Variants in DENND1A observed in about 807,000 individuals in gnomAD.
DENND1A encodes the protein DENN domain-containing protein 1A.
In DENND1A, 51 loss-of-function variants were observed where a neutral mutation model predicts 113.7. The ratio of observed to expected loss-of-function variants is 0.45; its 90% CI spans 0.36 to 0.57. The LOEUF (loss-of-function observed/expected upper bound fraction) is 0.57. Among genes scored for constraint, DENND1A ranks in the 20% least tolerant of loss-of-function variants. The probability of loss-of-function intolerance (pLI) is 0.00; values close to 1 mark genes in which losing one functional copy is unlikely to be tolerated. For missense variants in DENND1A, 1,258 were observed against 1,395.9 expected (o/e 0.90, Z 1.57); for synonymous variants, 565 against 570.8 (o/e 0.99, Z 0.14).
chr9:123,480,885 C>T (rs1219707639), intron 13 of DENND1A, among the ~76,000 whole-genome samples: 1 of 152,168 alleles, frequency 6.6e-6, no homozygotes, highest in African/African-American at 2.4e-5. Context: ...AAAAGGATAC[C>T]AAGATAGTTT....
intron 5 of DENND1A, among the ~76,000 whole-genome samples, chr9:123,753,221 A>G (rs1451895073): frequency 1.3e-5 from 2 of 152,202 alleles, no homozygotes; most frequent in African/African-American, 4.8e-5. Flanking sequence ...AATGTCAGCT[A>G]TGTGCCAGAA....
chr9:123,493,190 T>A (rs1436621878), intron 13 of DENND1A: 1 of 152,246 alleles, frequency 6.6e-6, no homozygotes, highest in Non-Finnish European at 1.5e-5. Context: ...GATGGGGCCA[T>A]GACTAAGACA....
intron 5 of DENND1A, among the ~76,000 whole-genome samples, chr9:123,737,892 T>TA (rs1232529074): frequency 6.6e-6 from 1 of 152,234 alleles, no homozygotes; most frequent in African/African-American, 2.4e-5. Context: ...TTTTGCCACT[T>TA]ACATTCTAAG....
At chr9:123,816,602 G>C (rs541418661) in intron 2 of DENND1A, among the ~76,000 whole-genome samples, 1 of 152,146 alleles carries the variant, frequency 6.6e-6, no homozygotes, top group African/African-American at 2.4e-5. Context: ...AAATCTGTGA[G>C]ATCACTAACA....
chr9:123,455,565 C>T (rs896352878), intron 15 of DENND1A, among the ~76,000 whole-genome samples: 9 of 152,138 alleles, frequency 5.9e-5, no homozygotes, highest in African/African-American at 1.7e-4. Flanking sequence ...GAACAGCCCT[C>T]GGGAATAGGT....
At chr9:123,773,657 T>G (rs1564242848) in intron 3 of DENND1A, among the ~76,000 whole-genome samples, 1 of 152,186 alleles carries the variant, frequency 6.6e-6, no homozygotes, top group Non-Finnish European at 1.5e-5. Flanking sequence ...AGATGTCAAA[T>G]ACTTTGTTTT....
chr9:123,635,457 A>G (rs186716526), intron 9 of DENND1A, among the ~76,000 whole-genome samples: 1 of 152,248 alleles, frequency 6.6e-6, no homozygotes, highest in South Asian at 2.1e-4. Context: ...TCCACAATGC[A>G]TAATAAACTC....
chr9:123,785,194 T>A (rs375361955), intron 3 of DENND1A, among the ~76,000 whole-genome samples: 4 of 151,824 alleles, frequency 2.6e-5, no homozygotes, highest in South Asian at 2.1e-4. Context: ...ATTTTTTTTT[T>A]AAATTAGGCA....
chr9:123,676,821 T>C (rs12377595), intron 5 of DENND1A, 32 bp from the exon 6 acceptor site: 1 of 1,603,576 alleles, frequency 6.2e-7, no homozygotes, highest in Non-Finnish European at 8.5e-7. Context: ...CATGAAATAT[T>C]AGTATGCAGG....
chr9:123,783,567 C>A (rs1307162925), intron 3 of DENND1A, among the ~76,000 whole-genome samples: 1 of 152,088 alleles, frequency 6.6e-6, no homozygotes, highest in African/African-American at 2.4e-5. Flanking sequence ...ATCATGACAC[C>A]CTCATAGCTA....
At chr9:123,467,981 C>A (rs745398385) in intron 13 of DENND1A, among the ~76,000 whole-genome samples, 15 of 152,150 alleles carry the variant, frequency 9.9e-5, no homozygotes, top group Non-Finnish European at 2.1e-4. Context: ...CTTGGGGAAA[C>A]CTTACTTGAA....
chr9:123,576,877 T>G (rs141367461), intron 12 of DENND1A, among the ~76,000 whole-genome samples: 2 of 152,342 alleles, frequency 1.3e-5, no homozygotes, highest in East Asian at 3.9e-4. Context: ...CTGCTAGAAT[T>G]ACTTCTCATA....
intron 5 of DENND1A, among the ~76,000 whole-genome samples, chr9:123,691,653 A>T (rs2065199648): frequency 6.6e-6 from 1 of 151,612 alleles, no homozygotes; most frequent in South Asian, 2.1e-4. Context: ...TACATGCTGG[A>T]CCATGGAGTT....
rs369679724 is a variant in DENND1A, at chr9:123,621,701, C to T, written c.719+8675G>A. ...GGTGAGGGCCAGACATTTCTGCTTC[C>T]GCCGCACCACACTTTCATTTGAGTT... On this transcript the variant is annotated intron_variant, in intron 10 of 23. Coordinates refer to ENST00000394215, the MANE Select transcript of DENND1A (RefSeq NM_001352964.2). 1.1e-4 allele frequency among the ~76,000 whole-genome samples: 17 copies of T among 152,258 alleles called. No homozygotes were observed. The South Asian group carries it at 2.1e-3, about 19-fold the overall frequency.
At chr9:123,817,441 G>GT (rs1465883375) in intron 2 of DENND1A, among the ~76,000 whole-genome samples, 1 of 152,176 alleles carries the variant, frequency 6.6e-6, no homozygotes, top group Non-Finnish European at 1.5e-5. Context: ...AGGTATAACT[G>GT]TAAGATAAGG....
rs766190952 is a variant in DENND1A at position 123,777,884 on chromosome 9, AG to A, written c.133-8322del. ...AATTGATTAGAACGTCTCACTAAAC[AG>A]TCATCTGTTTAGTGTTACAGAACTG... On this transcript the variant is annotated intron_variant, in intron 3 of 23. Transcript: ENST00000394215. Among the ~76,000 whole-genome samples, 8 of 152,314 alleles carry A rather than the reference AG, an allele frequency of 5.3e-5. No homozygotes were observed. The East Asian group carries it at 1.5e-3, about 29-fold the overall frequency.
intron 16 of DENND1A, among the ~76,000 whole-genome samples, chr9:123,453,315 C>T (rs1254545265): frequency 6.6e-6 from 1 of 152,158 alleles, no homozygotes; most frequent in Non-Finnish European, 1.5e-5. Context: ...GGATGAAACA[C>T]TGGACCTGGT....
At chr9:123,818,563 C>CATATAT (rs1294531008) in intron 2 of DENND1A, among the ~76,000 whole-genome samples, 119 of 56,994 alleles carry the variant, frequency 2.1e-3, no homozygotes, top group African/African-American at 4.3e-3. Flanking sequence ...CACACACACA[C>CATATAT]ACACATATAT....
chr9:123,404,204 G>A (rs1284183453), intron 20 of DENND1A, among the ~76,000 whole-genome samples: 1 of 152,138 alleles, frequency 6.6e-6, no homozygotes, highest in Non-Finnish European at 1.5e-5. Flanking sequence ...TTTCTGACCC[G>A]CTGTCTCTGA....
Sources: gnomAD v4.1 joint callset for allele counts (sites outside exome capture counted in the v4.1 genomes callset) on GRCh38, gnomAD v4.1.1 for gene constraint, MANE v1.5 for transcripts, NCBI Gene and HGNC (gene_info 2026-07-23, HGNC 2026-07-21) for gene names.